The following HFM1 variants were observed in gnomAD, a reference collection of about 807,000 sequenced individuals.
HFM1 encodes helicase for meiosis 1.
In HFM1, 169 loss-of-function variants were observed where a neutral mutation model predicts 192.1. The ratio of observed to expected loss-of-function variants is 0.88; its 90% CI spans 0.78 to 1.00. HFM1 has a LOEUF of 1.00. Among genes scored for constraint, HFM1 ranks in the 50% least tolerant of loss-of-function variants. The pLI is 0.00. For synonymous variants in HFM1, 525 were observed against 537.8 expected (o/e 0.98, Z 0.33); for missense variants, 1,661 against 1,668.0 (o/e 1.00, Z 0.07).
chr1:91,273,831 AC>A lies in HFM1; in HGVS notation c.3669-17del. On this transcript the variant is annotated splice_polypyrimidine_tract_variant and intron_variant, in intron 33 of 38. Transcript: ENST00000370425. ...ATATTCTGACCTTTATAAAGATAAAACCATGAAAATGTTAAAGAAAATATGG... is the reference window on the plus strand; with the variant it reads ...ATATTCTGACCTTTATAAAGATAAAACATGAAAATGTTAAAGAAAATATGG... 1 of 1,322,086 alleles carries A rather than the reference AC, an allele frequency of 7.6e-7. No homozygotes were observed. The highest frequency in any genetic ancestry group is 1.1e-6 in the Non-Finnish European group (1 of 935,102). The allele number at this position is 1,322,086 out of a possible 1,614,324, so 81.9% of individuals were successfully genotyped here. A position where few individuals can be genotyped will look rare whatever the true frequency, so the allele number is the denominator to read the frequency against.
intron 33 of HFM1, among the ~76,000 whole-genome samples, chr1:91,274,490 A>T (rs1666615615): frequency 6.6e-6 from 1 of 152,114 alleles, no homozygotes; most frequent in African/African-American, 2.4e-5. Context: ...GACAGAGGAT[A>T]GGTAGTTTCC....
chr1:91,385,997 C>A (rs1235165985), intron 4 of HFM1, among the ~76,000 whole-genome samples, 163 bp from the exon 5 acceptor site: 3 of 152,202 alleles, frequency 2.0e-5, no homozygotes, highest in Admixed American at 1.3e-4. Context: ...TAGTTTACCA[C>A]TGAAGTATGT....
intron 20 of HFM1, among the ~76,000 whole-genome samples, chr1:91,337,364 A>C (rs1654740913): frequency 6.6e-6 from 1 of 152,220 alleles, no homozygotes; most frequent in Non-Finnish European, 1.5e-5. Flanking sequence ...CTAAAAAGCA[A>C]AAACTATATG....
upstream of HFM1, among the ~76,000 whole-genome samples, chr1:91,405,183 T>C (rs1330425041): frequency 6.6e-6 from 1 of 152,200 alleles, no homozygotes; most frequent in Non-Finnish European, 1.5e-5. Context: ...TTACCTATAT[T>C]ATTTATAAAA....
At chr1:91,312,306 A>G (rs1650587424) in intron 30 of HFM1, among the ~76,000 whole-genome samples, 1 of 152,036 alleles carries the variant, frequency 6.6e-6, no homozygotes, top group African/African-American at 2.4e-5. Flanking sequence ...AGCTGCAGAC[A>G]CTCAACACCA....
chr1:91,288,809 C>T (rs1441561498), intron 30 of HFM1, among the ~76,000 whole-genome samples: 1 of 152,222 alleles, frequency 6.6e-6, no homozygotes, highest in Non-Finnish European at 1.5e-5. Flanking sequence ...TCTGATCTCT[C>T]TTTCTTTTCC....
intron 30 of HFM1, among the ~76,000 whole-genome samples, chr1:91,304,420 T>C (rs1156654225): frequency 3.3e-5 from 5 of 150,926 alleles, no homozygotes; most frequent in Admixed American, 1.3e-4. Context: ...AGGTAATGAA[T>C]GAAGATATAC....
intron 19 of HFM1, among the ~76,000 whole-genome samples, chr1:91,344,915 A>C (rs1026285007): frequency 2.6e-5 from 4 of 151,400 alleles, no homozygotes; most frequent in Non-Finnish European, 4.4e-5. Flanking sequence ...ACACCAGCTC[A>C]TTTTTTTTAA....
At chr1:91,404,719 C>T (rs896105182) in intron 1 of HFM1, 79 bp downstream of exon 1, 8 of 415,286 alleles carry the variant, frequency 1.9e-5, no homozygotes, top group African/African-American at 8.4e-5. Flanking sequence ...CCGGACGGCT[C>T]GGCTGGGTCC....
At position 91,273,796 on chromosome 1, in the gene HFM1, A is replaced by C. The variant is rs759121269; in HGVS notation, c.3688T>G (p.Ser1230Ala). 6.4e-7 allele frequency: 1 copy of C among 1,569,012 alleles called. No individual in the cohort carries two copies. Among genetic ancestry groups the C allele is most frequent in the Admixed American group, 1.7e-5 (1 of 59,246 alleles). Residue 1230 changes from serine to alanine, a missense_variant, in exon 34 of 39, where the codon TCT (serine) becomes GCT (alanine). Physicochemically the swap from Ser to Ala is moderately conservative, Grantham distance 99 (BLOSUM62 1). Coordinates refer to ENST00000370425, the MANE Select transcript of HFM1 (RefSeq NM_001017975.6). ...SISRSEYLNI[S>A]ELPIMEQWDQ... is the part of the protein sequence containing the mutation. ...CACTGCTCCATTATAGGCAATTCAG[A>C]TATGTTTAAATATTCTGACCTTTAT...
chr1:91,366,195 A>T (rs549089037), intron 13 of HFM1, among the ~76,000 whole-genome samples: 42 of 152,320 alleles, frequency 2.8e-4, no homozygotes, highest in African/African-American at 9.6e-4. Flanking sequence ...TAAATTGTAA[A>T]TTAGTTTTAA....
chr1:91,337,213 C>T (rs564914292), intron 20 of HFM1, among the ~76,000 whole-genome samples: 179 of 152,230 alleles, frequency 1.2e-3, no homozygotes, highest in African/African-American at 4.2e-3. Flanking sequence ...CACATCTGCT[C>T]ATATACCAGA....
Position 91,273,785 on chromosome 1 carries a change from AG to A in HFM1, c.3698del (p.Pro1233LeufsTer2). 1.3e-6 allele frequency: 2 copies of A among 1,593,400 alleles called. No individual in the cohort carries two copies. Among genetic ancestry groups the A allele is most frequent in the Non-Finnish European group, 8.6e-7 (1 of 1,162,852 alleles). ...RSEYLNISEL[P>X]IMEQWDQPEI... Reference sequence around the variant, plus strand: ...CAGGCTGATCCCACTGCTCCATTATAGGCAATTCAGATATGTTTAAATATTC... The same window carrying A: ...CAGGCTGATCCCACTGCTCCATTATAGCAATTCAGATATGTTTAAATATTC... On this transcript the variant is annotated frameshift_variant, in exon 34 of 39. Coordinates refer to ENST00000370425, the MANE Select transcript of HFM1 (RefSeq NM_001017975.6). LOFTEE classifies it high-confidence loss of function.
At chr1:91,327,352 C>T (rs571330098) in intron 20 of HFM1, among the ~76,000 whole-genome samples, 21 of 152,262 alleles carry the variant, frequency 1.4e-4, no homozygotes, top group African/African-American at 5.1e-4. Flanking sequence ...CCCATCTCTA[C>T]CAAAAATACA....
chr1:91,310,914 G>A (rs1364169204), intron 30 of HFM1, among the ~76,000 whole-genome samples: 1 of 152,142 alleles, frequency 6.6e-6, no homozygotes, highest in East Asian at 1.9e-4. Flanking sequence ...ATAGTAAATT[G>A]GTACCAGTAG....
At chr1:91,269,783 T>G (rs778750062) in intron 34 of HFM1, among the ~76,000 whole-genome samples, 13 of 152,116 alleles carry the variant, frequency 8.5e-5, no homozygotes, top group Non-Finnish European at 1.8e-4. Context: ...GAGCTGTAGT[T>G]GTGAAGCAGG....
At chr1:91,393,951 G>C in intron 4 of HFM1, 142 bp downstream of exon 4, 1 of 525,530 alleles carries the variant, frequency 1.9e-6, no homozygotes. Flanking sequence ...TATGACACCA[G>C]GAATGGAGAA....
At chr1:91,333,989 G>C (rs1398108783) in intron 20 of HFM1, among the ~76,000 whole-genome samples, 2 of 152,128 alleles carry the variant, frequency 1.3e-5, no homozygotes, top group Non-Finnish European at 1.5e-5. Context: ...TCAGTGTAGA[G>C]TGGCCTACTA....
intron 30 of HFM1, among the ~76,000 whole-genome samples, chr1:91,294,349 T>C (rs1000350686): frequency 1.3e-5 from 2 of 152,212 alleles, no homozygotes; most frequent in Non-Finnish European, 2.9e-5. Flanking sequence ...GTGCTTATTT[T>C]TGCAATTTAT....
Sources: allele counts gnomAD v4.1 joint callset (sites outside exome capture counted in the v4.1 genomes callset), GRCh38; gene constraint gnomAD v4.1.1; transcripts MANE v1.5; gene names NCBI Gene and HGNC (gene_info 2026-07-23, HGNC 2026-07-21).